Variants in PAPSS2 observed in about 807,000 individuals in gnomAD.
PAPSS2 encodes the protein 3'-phosphoadenosine 5'-phosphosulfate synthase 2.
In PAPSS2, 61 loss-of-function variants were observed where a neutral mutation model predicts 66.5. The observed-to-expected ratio is 0.92, with a 90% CI of 0.75 to 1.14. PAPSS2 has a LOEUF of 1.14. PAPSS2 is among the 50% of genes most tolerant of loss of function. The pLI is 0.00. For synonymous variants in PAPSS2, 289 were observed against 287.5 expected, an observed-to-expected ratio of 1.01 and a Z score of -0.05; for missense variants, 708 against 789.6, an observed-to-expected ratio of 0.90 and a Z score of 1.24.
intron 1 of PAPSS2, among the ~76,000 whole-genome samples, chr10:87,668,658 A>ATGTGTG (rs58768390): frequency 0.024 from 3,545 of 149,230 alleles, 57 homozygotes; most frequent in South Asian, 0.056. Context: ...TACTTTAAAA[A>ATGTGTG]TGTGTGTGTG....
In PAPSS2 at chr10:87,743,472, A is replaced by T. The variant is rs1389572478; in HGVS notation, c.1322A>T (p.His441Leu). 2.5e-6 allele frequency: 4 copies of T among 1,614,002 alleles called. No individual in the cohort carries two copies. The Admixed American group carries it at 5.0e-5, about 20-fold the overall frequency. ...RRRLLERGYK[H>L]PVLLLHPLGG... is the part of the protein sequence containing the mutation. ...AGGCTCCTAGAGAGGGGCTACAAGC[A>T]CCCGGTCCTCCTACTACACCCTCTG... is the stretch of plus-strand genomic sequence containing the variant. The change falls in exon 11 of 13, where the codon CAC becomes CTC. Residue 441 changes from histidine (H) to leucine (L), a missense_variant. Physicochemically the swap from His to Leu is moderately conservative, Grantham distance 99. Coordinates refer to ENST00000456849, the MANE Select transcript of PAPSS2 (RefSeq NM_001015880.2).
intron 7 of PAPSS2, among the ~76,000 whole-genome samples, chr10:87,721,344 C>T (rs1361609127): frequency 6.6e-6 from 1 of 152,130 alleles, no homozygotes; most frequent in African/African-American, 2.4e-5. Flanking sequence ...TCTATACTTG[C>T]TCCCAAAGCC....
intron 1 of PAPSS2, among the ~76,000 whole-genome samples, chr10:87,704,507 C>T (rs1853358049): frequency 6.6e-6 from 1 of 152,204 alleles, no homozygotes; most frequent in Admixed American, 6.5e-5. Context: ...TTCATGTGCA[C>T]AGGTGGGCAG....
rs267602608 is a variant in PAPSS2 at position 87,727,306 on chromosome 10, C to T, written c.903C>T (p.Ile301=). The change falls in exon 9 of 13, where the codon ATC becomes ATT. Residue 301 remains isoleucine, a synonymous_variant. Coordinates refer to ENST00000456849, the MANE Select transcript of PAPSS2 (RefSeq NM_001015880.2). ...ALPDGVINMS[I]PIVLPVSAED... ...CAGATGGCGTGATCAACATGAGCATCCCCATTGTACTGCCCGTCTCTGCAG... is the reference window on the plus strand; with the variant it reads ...CAGATGGCGTGATCAACATGAGCATTCCCATTGTACTGCCCGTCTCTGCAG... 5.6e-6 allele frequency: 9 copies of T among 1,613,512 alleles called. No individual in the cohort carries two copies. The highest frequency in any genetic ancestry group is 1.1e-5 in the South Asian group (1 of 91,044).
chr10:87,707,751 T>C (rs1853411412), intron 1 of PAPSS2, among the ~76,000 whole-genome samples: 1 of 151,872 alleles, frequency 6.6e-6, no homozygotes, highest in Admixed American at 6.6e-5. Flanking sequence ...TTTTTATTTT[T>C]CATAGAGATG....
At chr10:87,667,442 C>A (rs1390159391) in intron 1 of PAPSS2, among the ~76,000 whole-genome samples, 1 of 152,090 alleles carries the variant, frequency 6.6e-6, no homozygotes, top group Admixed American at 6.6e-5. Context: ...CAGAGTGAGA[C>A]CCTGTCTCAA....
At chr10:87,720,983 A>C (rs1448249329) in intron 7 of PAPSS2, among the ~76,000 whole-genome samples, 10 of 152,184 alleles carry the variant, frequency 6.6e-5, no homozygotes, top group Admixed American at 6.5e-4. Flanking sequence ...AAGTAGGATC[A>C]AGACAGGGGA....
intron 1 of PAPSS2, among the ~76,000 whole-genome samples, chr10:87,701,321 TTC>T (rs1564716633): frequency 3.9e-4 from 36 of 91,220 alleles, no homozygotes; most frequent in African/African-American, 1.8e-3. Flanking sequence ...CCTTCCTTCC[TTC>T]CTTCCTTTCT....
intron 1 of PAPSS2, among the ~76,000 whole-genome samples, chr10:87,684,828 C>T (rs866822166): frequency 6.6e-6 from 1 of 152,214 alleles, no homozygotes; most frequent in African/African-American, 2.4e-5. Flanking sequence ...CAGGTCATTT[C>T]GTGGTTGAGC....
At chr10:87,676,438 A>G (rs1054504235) in intron 1 of PAPSS2, among the ~76,000 whole-genome samples, 2 of 152,156 alleles carry the variant, frequency 1.3e-5, no homozygotes, top group African/African-American at 4.8e-5. Context: ...GTGAGTTTTC[A>G]GTGTAATTCT....
At chr10:87,699,005 G>C (rs187504421) in intron 1 of PAPSS2, among the ~76,000 whole-genome samples, 22 of 152,208 alleles carry the variant, frequency 1.4e-4, no homozygotes, top group Non-Finnish European at 2.9e-4. Flanking sequence ...CATCAAAGTT[G>C]AATGAAACAG....
chr10:87,702,619 C>T (rs1853332057), intron 1 of PAPSS2, among the ~76,000 whole-genome samples: 1 of 152,076 alleles, frequency 6.6e-6, no homozygotes, highest in South Asian at 2.1e-4. Flanking sequence ...TAAAACAGGG[C>T]GGAGTGGAGT....
intron 1 of PAPSS2, among the ~76,000 whole-genome samples, chr10:87,676,039 C>T (rs1383321060): frequency 9.0e-6 from 1 of 110,996 alleles, no homozygotes; most frequent in Non-Finnish European, 1.9e-5. Flanking sequence ...GTGGTCACTA[C>T]ATTCCTCATG....
At chr10:87,728,598 G>A (rs1370905220) in intron 9 of PAPSS2, among the ~76,000 whole-genome samples, 1 of 152,180 alleles carries the variant, frequency 6.6e-6, no homozygotes, top group Admixed American at 6.5e-5. Flanking sequence ...ATATTAGCTG[G>A]ACATGGTGGC....
rs186744071 is a variant in PAPSS2 at position 87,670,189 on chromosome 10, G to T, written c.27+10181G>T. On this transcript the variant is annotated intron_variant, in intron 1 of 12. Coordinates refer to ENST00000456849, the MANE Select transcript of PAPSS2 (RefSeq NM_001015880.2). The stretch of plus-strand genomic sequence containing the variant: ...AATAGTTTTTATTGCCTAGCCTTAC[G>T]GCTATGTCAGTATTCAGCAAACGTG... Among the ~76,000 whole-genome samples the T allele has an allele frequency of 2.6e-5, 4 of 152,316 alleles. No individual in the cohort carries two copies. The East Asian group carries it at 7.7e-4, about 29-fold the overall frequency.
At chr10:87,742,638 A>G (rs1489890907) in intron 10 of PAPSS2, among the ~76,000 whole-genome samples, 1 of 152,204 alleles carries the variant, frequency 6.6e-6, no homozygotes, top group East Asian at 1.9e-4. Flanking sequence ...AGTTTTGGAG[A>G]TTTCTTTAAA....
chr10:87,722,881 A>G (rs559211003), intron 8 of PAPSS2, among the ~76,000 whole-genome samples: 19 of 152,236 alleles, frequency 1.2e-4, no homozygotes, highest in South Asian at 4.1e-4. Flanking sequence ...ACTCCTTTCT[A>G]TAACATCCCA....
chr10:87,745,893 A>G lies in PAPSS2; in HGVS notation c.1783A>G (p.Asn595Asp), dbSNP rs778143893. ...RMRKLAREGE[N>D]PPDGFMAPKA... is the part of the protein sequence containing the mutation. The stretch of plus-strand genomic sequence containing the variant: ...GAGGAAGCTCGCCCGGGAAGGAGAG[A>G]ATCCCCCAGATGGCTTCATGGCCCC... Residue 595 changes from asparagine to aspartate, a missense_variant, in exon 13 of 13, where the codon AAT (asparagine) becomes GAT (aspartate). Asn to Asp is a conservative substitution (Grantham distance 23). Coordinates refer to ENST00000456849, the MANE Select transcript of PAPSS2 (RefSeq NM_001015880.2). The G allele has an allele frequency of 1.7e-5, 28 of 1,613,982 alleles. No individual in the cohort carries two copies. The South Asian group carries it at 2.4e-4, about 14-fold the overall frequency.
At chr10:87,711,287 A>C (rs1853460240) in intron 2 of PAPSS2, among the ~76,000 whole-genome samples, 1 of 152,250 alleles carries the variant, frequency 6.6e-6, no homozygotes, top group African/African-American at 2.4e-5. Context: ...ATAAAAGACA[A>C]ATGTGCTTTG....
Sources: allele counts gnomAD v4.1 joint callset (sites outside exome capture counted in the v4.1 genomes callset), GRCh38; gene constraint gnomAD v4.1.1; transcripts MANE v1.5; gene names NCBI Gene and HGNC (gene_info 2026-07-23, HGNC 2026-07-21).